PTPRO: variants seen among roughly 807,000 people sequenced by gnomAD.
PTPRO encodes protein tyrosine phosphatase receptor type O, also known as receptor-type tyrosine-protein phosphatase O.
Under a neutral mutation model 145.2 loss-of-function variants are expected in PTPRO, and 62 were observed. The observed-to-expected ratio is 0.43, with a 90% confidence interval of 0.35 to 0.53. The LOEUF is 0.53. Ranked by LOEUF, PTPRO falls within the 20% of genes least tolerant of loss-of-function variation. The pLI, the probability that PTPRO is intolerant of heterozygous loss-of-function variation, is 0.01. For missense variants in PTPRO, 1,345 were observed against 1,482.7 expected (o/e 0.91, Z 1.53); for synonymous variants, 565 against 514.7 (o/e 1.10, Z -1.32).
rs992125340 is a variant in PTPRO, at chr12:15,459,096, A to G, written c.76-24878A>G. Among the ~76,000 whole-genome samples, 6 of 152,190 alleles carry G rather than the reference A, an allele frequency of 3.9e-5. No homozygotes were observed. In the East Asian group the frequency reaches 1.2e-3, roughly 29 times the overall value. ...AGATGTCTAGAATATGCTGGGACTC[A>G]TCTGCATTCTAAGACAAGTGAGACA... On this transcript the variant is annotated intron_variant, in intron 1 of 26. Transcript: ENST00000281171.
intron 10 of PTPRO, among the ~76,000 whole-genome samples, chr12:15,520,898 TACA>T (rs1257858487): frequency 6.6e-6 from 1 of 152,206 alleles, no homozygotes; most frequent in East Asian, 1.9e-4. Flanking sequence ...TATTATTTAT[TACA>T]ACTTCATTAT....
chr12:15,485,649 T>C (rs1404036632), intron 2 of PTPRO, among the ~76,000 whole-genome samples: 1 of 152,168 alleles, frequency 6.6e-6, no homozygotes, highest in South Asian at 2.1e-4. Context: ...CCAACATTTA[T>C]GAGCATGCAC....
Position 15,592,941 on chromosome 12 carries a change from C to A in PTPRO, c.3547-1996C>A, listed in dbSNP as rs559260834. 4.6e-5 allele frequency among the ~76,000 whole-genome samples: 7 copies of A among 152,310 alleles called. No individual in the cohort carries two copies. The South Asian group carries it at 1.5e-3, about 32-fold the overall frequency. On this transcript the variant is annotated intron_variant, in intron 25 of 26. Coordinates refer to ENST00000281171, the MANE Select transcript of PTPRO (RefSeq NM_030667.3). Reference sequence around the variant, plus strand: ...TTGATCTGCAGTTTGAATTTCGGGACTTTCAAGGACAAGTCCCTCCATAAA... The same window carrying A: ...TTGATCTGCAGTTTGAATTTCGGGAATTTCAAGGACAAGTCCCTCCATAAA...
intron 1 of PTPRO, among the ~76,000 whole-genome samples, chr12:15,453,612 CT>C (rs1433891460): frequency 6.6e-6 from 1 of 152,150 alleles, no homozygotes; most frequent in African/African-American, 2.4e-5. Flanking sequence ...GAGATCTACC[CT>C]CTTAAAAAGT....
intron 1 of PTPRO, among the ~76,000 whole-genome samples, chr12:15,327,759 T>C (rs1456992574): frequency 1.3e-5 from 2 of 151,938 alleles, no homozygotes; most frequent in African/African-American, 4.8e-5. Context: ...TGTGAATGGA[T>C]TGGGATGAGT....
At chr12:15,412,781 T>TGTTTTGTTTTTG (rs1318742976) in intron 1 of PTPRO, among the ~76,000 whole-genome samples, 19 of 152,144 alleles carry the variant, frequency 1.2e-4, no homozygotes, top group African/African-American at 3.6e-4. Flanking sequence ...TTGTTGTTGT[T>TGTTTTGTTTTTG]GTTTTGTTTT....
At position 15,478,162 on chromosome 12, in the gene PTPRO, A is replaced by G. The variant is rs562764901; in HGVS notation, c.76-5812A>G. Among the ~76,000 whole-genome samples the G allele has an allele frequency of 3.9e-5, 6 of 152,374 alleles. No homozygotes were observed. The South Asian group carries it at 1.2e-3, about 32-fold the overall frequency. ...ACAAGAGCAGACTGCACATAGGGCC[A>G]TGAACCATTAACAATGCAATACTTC... On this transcript the variant is annotated intron_variant, in intron 1 of 26. Transcript: ENST00000281171.
intron 2 of PTPRO, among the ~76,000 whole-genome samples, chr12:15,496,720 A>T (rs1472024590): frequency 6.6e-6 from 1 of 152,228 alleles, no homozygotes; most frequent in Non-Finnish European, 1.5e-5. Flanking sequence ...ACAGTTTAAA[A>T]TTTTATACTT....
chr12:15,581,572 T>C, intron 22 of PTPRO, 107 bp from the exon 23 acceptor site: 1 of 1,317,946 alleles, frequency 7.6e-7, no homozygotes, highest in Non-Finnish European at 1.1e-6. Flanking sequence ...TTCACCACGG[T>C]CCTATCTAAT....
At chr12:15,535,149 T>A (rs1943041810) in intron 12 of PTPRO, among the ~76,000 whole-genome samples, 2 of 152,136 alleles carry the variant, frequency 1.3e-5, no homozygotes, top group African/African-American at 4.8e-5. Context: ...ACATTTAGGG[T>A]GAAGTAAGAA....
At chr12:15,471,709 G>GGGTAT (rs1941546288) in intron 1 of PTPRO, among the ~76,000 whole-genome samples, 1 of 152,110 alleles carries the variant, frequency 6.6e-6, no homozygotes, top group African/African-American at 2.4e-5. Context: ...CCCAAATAGA[G>GGGTAT]GGTATCCCCA....
At chr12:15,328,075 T>C (rs1281109482) in intron 1 of PTPRO, among the ~76,000 whole-genome samples, 1 of 151,450 alleles carries the variant, frequency 6.6e-6, no homozygotes, top group Non-Finnish European at 1.5e-5. Context: ...GATCACACCA[T>C]TGCACTCCAG....
At chr12:15,443,392 A>G (rs949885845) in intron 1 of PTPRO, among the ~76,000 whole-genome samples, 1 of 152,184 alleles carries the variant, frequency 6.6e-6, no homozygotes, top group Non-Finnish European at 1.5e-5. Flanking sequence ...AAACTATAAG[A>G]ATTCTAGAAG....
chr12:15,521,660 C>T (rs1343003389), intron 10 of PTPRO, among the ~76,000 whole-genome samples: 5 of 152,052 alleles, frequency 3.3e-5, no homozygotes, highest in Non-Finnish European at 7.4e-5. Context: ...GGTAGAACCC[C>T]CTAAAATGTC....
intron 2 of PTPRO, among the ~76,000 whole-genome samples, chr12:15,495,543 G>A (rs253864): frequency 1.3e-5 from 2 of 151,778 alleles, no homozygotes; most frequent in African/African-American, 4.8e-5. Context: ...AATTCTAAAA[G>A]TGTGAATCAA....
intron 1 of PTPRO, among the ~76,000 whole-genome samples, chr12:15,417,298 T>C (rs1477498552): frequency 6.6e-6 from 1 of 151,766 alleles, no homozygotes; most frequent in African/African-American, 2.4e-5. Flanking sequence ...AGTAGAACCA[T>C]TGTAAGTCAG....
intron 7 of PTPRO, 125 bp from the exon 8 acceptor site, chr12:15,515,373 T>C (rs1942554874): frequency 1.6e-6 from 2 of 1,287,734 alleles, no homozygotes; most frequent in Admixed American, 3.7e-5. Context: ...ACAGCTTCAG[T>C]AAAGCCTTCT....
At chr12:15,509,633 G>T (rs1221660077) in intron 7 of PTPRO, among the ~76,000 whole-genome samples, 2 of 100,248 alleles carry the variant, frequency 2.0e-5, no homozygotes, top group African/African-American at 6.0e-5. Flanking sequence ...GGAGGTGGGG[G>T]TTGCAGTGAG....
chr12:15,388,598 T>C (rs73303709), intron 1 of PTPRO, among the ~76,000 whole-genome samples: 22,300 of 152,198 alleles, frequency 0.15, 3,698 homozygotes, highest in African/African-American at 0.41. Flanking sequence ...CAACATTAAG[T>C]GGTGATTAAT....
Sources: allele counts gnomAD v4.1 joint callset (sites outside exome capture counted in the v4.1 genomes callset), GRCh38; gene constraint gnomAD v4.1.1; transcripts MANE v1.5; gene names NCBI Gene and HGNC (gene_info 2026-07-23, HGNC 2026-07-21).